Variants in ZNF891 observed in about 807,000 individuals in gnomAD.
The protein encoded by ZNF891 is zinc finger protein 891, also known as hCG1646157.
For missense variants in ZNF891, 589 were observed against 632.7 expected, an observed-to-expected ratio of 0.93 and a Z score of 0.74; for synonymous variants, 199 against 209.0, an observed-to-expected ratio of 0.95 and a Z score of 0.41.
At position 133,113,063 on chromosome 12, in the gene ZNF891, A is replaced by AATAT. The variant is rs60411285; in HGVS notation, c.*7217_*7220dup. 394 of 145,882 alleles carry AATAT rather than the reference A, an allele frequency of 2.7e-3. 1 individual carries two copies. Among genetic ancestry groups the AATAT allele is most frequent in the African/African-American group, 9.7e-3 (380 of 39,232 alleles). The allele number at this position is 145,882 out of a possible 1,614,324, so 9.0% of individuals were successfully genotyped here. On this transcript the variant is annotated 3_prime_UTR_variant, in exon 2 of 2. Coordinates refer to ENST00000537226, the MANE Select transcript of ZNF891 (RefSeq NM_001277291.2). Reference sequence around the variant, plus strand: ...GACAGAGCAAGACTCTGTCTCAAAAAATATATATATATATATTTATATTTA... The same window carrying AATAT: ...GACAGAGCAAGACTCTGTCTCAAAAAATATATATATATATATATATTTATATTTA...
At chr12:133,129,472 G>A (rs1955852477) in intron 1 of ZNF891, among the ~76,000 whole-genome samples, 1 of 143,752 alleles carries the variant, frequency 7.0e-6, no homozygotes, top group African/African-American at 2.6e-5. Flanking sequence ...TTGCACTCCA[G>A]CCTGGGCAAC....
Position 133,106,063 on chromosome 12 carries a change from A to C in ZNF891, c.*14221T>G. 6.2e-7 allele frequency: 1 copy of C among 1,614,154 alleles called. No homozygotes were observed. Among genetic ancestry groups the C allele is most frequent in the Non-Finnish European group, 8.5e-7 (1 of 1,180,018 alleles). ...TTAGCCGTGCCTCCAACCTCACTCG[A>C]CATCAAAGAATTCACATAGGAAAGA... On this transcript the variant is annotated 3_prime_UTR_variant, in exon 2 of 2. Transcript: ENST00000537226.
In ZNF891 at chr12:133,121,791, A is replaced by C. The variant is rs11147241; in HGVS notation, c.128T>G (p.Met43Arg). Residue 43 changes from methionine (M) to arginine (R), a missense_variant, in exon 2 of 2, where the codon ATG becomes AGG. Physicochemically the swap from Met to Arg is moderately conservative, Grantham distance 91. Transcript: ENST00000537226. Reference sequence around the variant, plus strand: ...CTCCACAGCTACATCTTTGAAAGTCATTGGTTCCTGTAACCAGGTTGTCAG... The same window carrying C: ...CTCCACAGCTACATCTTTGAAAGTCCTTGGTTCCTGTAACCAGGTTGTCAG... ...VFLTTWLQEP[M>R]TFKDVAVEFT... The C allele has an allele frequency of 6.5e-7, 1 of 1,536,818 alleles. No homozygotes were observed. Among genetic ancestry groups the C allele is most frequent in the South Asian group, 1.2e-5 (1 of 84,064 alleles).
In ZNF891 at chr12:133,109,212, A is replaced by G. The variant is rs1026493539; in HGVS notation, c.*11072T>C. The G allele has an allele frequency of 1.3e-5, 2 of 152,242 alleles. No homozygotes were observed. The highest frequency in any genetic ancestry group is 4.8e-5 in the African/African-American group (2 of 41,474). The allele number at this position is 152,242 out of a possible 1,614,324, so 9.4% of individuals were successfully genotyped here. ...GGTATTAAGAAATACATTGGTGAGG[A>G]GTTTACCACCATCCTTGGACAACTC... On this transcript the variant is annotated 3_prime_UTR_variant, in exon 2 of 2. Transcript: ENST00000537226.
Position 133,120,492 on chromosome 12 carries a change from C to T in ZNF891, c.1427G>A (p.Arg476Lys). ...TCCAGTGTGAGTTCTTATATGCATTCTAAGGGATGAGACCCCACTGAAAAC... is the reference window on the plus strand; with the variant it reads ...TCCAGTGTGAGTTCTTATATGCATTTTAAGGGATGAGACCCCACTGAAAAC... The part of the protein sequence containing the change: ...GKVFSGVSSL[R>K]MHIRTHTGEK... Residue 476 changes from arginine to lysine, a missense_variant, in exon 2 of 2, where the codon AGA (arginine) becomes AAA (lysine). Coordinates refer to ENST00000537226, the MANE Select transcript of ZNF891 (RefSeq NM_001277291.2). 6.3e-7 allele frequency: 1 copy of T among 1,594,964 alleles called. No homozygotes were observed. The highest frequency in any genetic ancestry group is 8.5e-7 in the Non-Finnish European group (1 of 1,171,428).
Position 133,121,196 on chromosome 12 carries a change from A to G in ZNF891, c.723T>C (p.Ser241=), listed in dbSNP as rs770952309. Residue 241 remains serine (S), a synonymous_variant, in exon 2 of 2, where the codon AGT becomes AGC. Transcript: ENST00000537226. ...ATTCATGACTTTCATAGAGCTTCTC[A>G]CTTATAGAGTTTTTCACATAATTGT... The part of the protein sequence containing the change: ...IINNYVKNSI[S]EKLYESHECD... 19 of 1,535,504 alleles carry G rather than the reference A, an allele frequency of 1.2e-5. No homozygotes were observed. Among genetic ancestry groups the G allele is most frequent in the Middle Eastern group, 1.7e-4 (1 of 5,982 alleles).
Position 133,112,847 on chromosome 12 carries a change from C to A in ZNF891, c.*7437G>T, listed in dbSNP as rs936040655. The A allele has an allele frequency of 6.6e-6, 1 of 152,058 alleles. No individual in the cohort carries two copies. Among genetic ancestry groups the A allele is most frequent in the Non-Finnish European group, 1.5e-5 (1 of 68,028 alleles). 9.4% of individuals were successfully genotyped at this position (152,058 alleles called of 1,614,324 possible). A position where few individuals can be genotyped will look rare whatever the true frequency, so the allele number is the denominator to read the frequency against. Reference sequence around the variant, plus strand: ...GGCCGAGACGGGCAGATCACGAGGTCAGGAGATCGAGACCATCCTGGCTAA... The same window carrying A: ...GGCCGAGACGGGCAGATCACGAGGTAAGGAGATCGAGACCATCCTGGCTAA... On this transcript the variant is annotated 3_prime_UTR_variant, in exon 2 of 2. Coordinates refer to ENST00000537226, the MANE Select transcript of ZNF891 (RefSeq NM_001277291.2).
At position 133,112,080 on chromosome 12, in the gene ZNF891, CT is replaced by C. The variant is rs1955685927; in HGVS notation, c.*8203del. The C allele has an allele frequency of 6.6e-6, 1 of 152,190 alleles. No individual in the cohort carries two copies. The allele number at this position is 152,190 out of a possible 1,614,324, so 9.4% of individuals were successfully genotyped here. ...AGCAAGGTCTTTATCTGGCCCCTGC[CT>C]CCTTTCAATCTGGTTTCACATACTC... On this transcript the variant is annotated 3_prime_UTR_variant, in exon 2 of 2. Transcript: ENST00000537226.
Position 133,120,717 on chromosome 12 carries a change from T to C in ZNF891, c.1202A>G (p.Glu401Gly). The change falls in exon 2 of 2, where the codon GAG (glutamate) becomes GGG (glycine). Residue 401 changes from glutamate (E) to glycine (G), a missense_variant. Glu to Gly is a moderately conservative substitution (Grantham distance 98). Coordinates refer to ENST00000537226, the MANE Select transcript of ZNF891 (RefSeq NM_001277291.2). ...ACACTGATTACATTCATAAGGTTTC[T>C]CTCCAGTGTGAGTTCTCATGTGAGC... is the stretch of plus-strand genomic sequence containing the variant. ...LKAHMRTHTG[E>G]KPYECNQCGK... is the part of the protein sequence containing the mutation. 6.4e-7 allele frequency: 1 copy of C among 1,566,714 alleles called. No individual in the cohort carries two copies. Among genetic ancestry groups the C allele is most frequent in the Non-Finnish European group, 8.6e-7 (1 of 1,156,512 alleles).
chr12:133,126,331 G>A (rs191825629), intron 1 of ZNF891, among the ~76,000 whole-genome samples: 74 of 151,966 alleles, frequency 4.9e-4, no homozygotes, highest in African/African-American at 1.8e-3. Context: ...AAAATTAGCC[G>A]GGCGTGGTGG....
At chr12:133,128,431 A>T (rs748667437) in intron 1 of ZNF891, among the ~76,000 whole-genome samples, 1 of 152,166 alleles carries the variant, frequency 6.6e-6, no homozygotes, top group Non-Finnish European at 1.5e-5. Context: ...GAAGAGTTCG[A>T]GACCAGCCTG....
intron 1 of ZNF891, among the ~76,000 whole-genome samples, chr12:133,122,749 T>G (rs1312931281): frequency 6.6e-6 from 1 of 152,180 alleles, no homozygotes; most frequent in Non-Finnish European, 1.5e-5. Flanking sequence ...AAACAGATGT[T>G]CATTTGATTA....
rs944204653 is a variant in ZNF891, at chr12:133,107,484, T to A, written c.*12800A>T. ...TGTGATTCTGAAAATGTAACTACAA[T>A]ATTGACATAAAAAATAAACAGTAGT... On this transcript the variant is annotated 3_prime_UTR_variant, in exon 2 of 2. Coordinates refer to ENST00000537226, the MANE Select transcript of ZNF891 (RefSeq NM_001277291.2). 3 of 152,200 alleles carry A rather than the reference T, an allele frequency of 2.0e-5. No homozygotes were observed. Among genetic ancestry groups the A allele is most frequent in the African/African-American group, 7.2e-5 (3 of 41,472 alleles). The allele number at this position is 152,200 out of a possible 1,614,324, so 9.4% of individuals were successfully genotyped here. A position where few individuals can be genotyped will look rare whatever the true frequency, so the allele number is the denominator to read the frequency against.
Position 133,120,696 on chromosome 12 carries a change from T to G in ZNF891, c.1223A>C (p.Gln408Pro). The G allele has an allele frequency of 1.9e-6, 3 of 1,563,768 alleles. No individual in the cohort carries two copies. Among genetic ancestry groups the G allele is most frequent in the Non-Finnish European group, 2.6e-6 (3 of 1,154,902 alleles). ...GCTTGTGCCAAAGGATTTTCCACAC[T>G]GATTACATTCATAAGGTTTCTCTCC... is the stretch of plus-strand genomic sequence containing the variant. ...HTGEKPYECNQCGKSFGTSSY... is the reference protein window; with the variant it reads ...HTGEKPYECNPCGKSFGTSSY... Residue 408 changes from glutamine to proline, a missense_variant, in exon 2 of 2, where the codon CAG becomes CCG. Physicochemically the swap from Gln to Pro is moderately conservative, Grantham distance 76. Coordinates refer to ENST00000537226, the MANE Select transcript of ZNF891 (RefSeq NM_001277291.2).
rs1162610479 is a variant in ZNF891, at chr12:133,106,814, G to A, written c.*13470C>T. ...CCACCCTGGAGAAAAAAAAACCCAGGAATATGTGGAAAAGCCATTAATAAC... is the reference window on the plus strand; with the variant it reads ...CCACCCTGGAGAAAAAAAAACCCAGAAATATGTGGAAAAGCCATTAATAAC... On this transcript the variant is annotated 3_prime_UTR_variant, in exon 2 of 2. Coordinates refer to ENST00000537226, the MANE Select transcript of ZNF891 (RefSeq NM_001277291.2). 5 of 548,040 alleles carry A rather than the reference G, an allele frequency of 9.1e-6. No individual in the cohort carries two copies. The highest frequency in any genetic ancestry group is 2.0e-5 in the African/African-American group (1 of 51,090). 33.9% of individuals were successfully genotyped at this position (548,040 alleles called of 1,614,324 possible).
intron 1 of ZNF891, among the ~76,000 whole-genome samples, chr12:133,126,381 G>A (rs552911441): frequency 6.6e-6 from 1 of 151,204 alleles, no homozygotes; most frequent in East Asian, 2.0e-4. Flanking sequence ...GTGTGAGGCA[G>A]GAGAATGGCA....
rs1035760217 is a variant in ZNF891 at position 133,129,187 on chromosome 12, TA to T, written c.-107+1039del. ...AAAACAGAATACGAACTAAAAAACC[TA>T]ATCAATGAGACTTTTTAAAAAATTG... On this transcript the variant is annotated intron_variant, in intron 1 of 1. Coordinates refer to ENST00000537226, the MANE Select transcript of ZNF891 (RefSeq NM_001277291.2). 3.3e-5 allele frequency among the ~76,000 whole-genome samples: 5 copies of T among 152,138 alleles called. No homozygotes were observed. In the East Asian group the frequency reaches 9.7e-4, roughly 29 times the overall value.
rs890802201 is a variant in ZNF891, at chr12:133,113,293, C to T, written c.*6991G>A. 3 of 151,772 alleles carry T rather than the reference C, an allele frequency of 2.0e-5. No individual in the cohort carries two copies. The highest frequency in any genetic ancestry group is 7.3e-5 in the African/African-American group (3 of 41,342). The allele number at this position is 151,772 out of a possible 1,614,324, so 9.4% of individuals were successfully genotyped here. A position where few individuals can be genotyped will look rare whatever the true frequency, so the allele number is the denominator to read the frequency against. On this transcript the variant is annotated 3_prime_UTR_variant, in exon 2 of 2. Transcript: ENST00000537226. The stretch of plus-strand genomic sequence containing the variant: ...AGAATTATTTTTAAGAAATAGACCA[C>T]AGCTCTGTTCACTAAACTAGACATC...
Position 133,106,182 on chromosome 12 carries a change from AATGC to A in ZNF891, c.*14098_*14101del, listed in dbSNP as rs1177300841. Reference sequence around the variant, plus strand: ...ACACATACTGGAGAGAAACCTTATGAATGCATTGAATGTGGGAAGGCATTTCGCC... The same window carrying A: ...ACACATACTGGAGAGAAACCTTATGAATTGAATGTGGGAAGGCATTTCGCC... On this transcript the variant is annotated 3_prime_UTR_variant, in exon 2 of 2. Transcript: ENST00000537226. 4 of 1,614,100 alleles carry A rather than the reference AATGC, an allele frequency of 2.5e-6. No homozygotes were observed. Among genetic ancestry groups the A allele is most frequent in the Non-Finnish European group, 2.5e-6 (3 of 1,180,000 alleles).
Sources: allele counts gnomAD v4.1 joint callset (sites outside exome capture counted in the v4.1 genomes callset), GRCh38; gene constraint gnomAD v4.1.1; transcripts MANE v1.5; gene names NCBI Gene and HGNC (gene_info 2026-07-23, HGNC 2026-07-21).